The following ATP2B4 variants were observed in gnomAD, a reference collection of about 807,000 sequenced individuals.
ATP2B4 encodes plasma membrane calcium-transporting ATPase 4.
In ATP2B4, 39 loss-of-function variants were observed where a neutral mutation model predicts 110.3. That is an observed-to-expected ratio of 0.35 (90% confidence interval 0.27 to 0.46). The LOEUF is 0.46. ATP2B4 is among the 20% of genes least tolerant of loss of function. The probability of loss-of-function intolerance (pLI) is 1.00; values close to 1 mark genes in which losing one functional copy is unlikely to be tolerated. For missense variants in ATP2B4, 1,135 were observed against 1,530.9 expected, an observed-to-expected ratio of 0.74 and a Z score of 4.32; for synonymous variants, 538 against 571.7, an observed-to-expected ratio of 0.94 and a Z score of 0.84.
rs1407589054 is a variant in ATP2B4 at position 203,743,775 on chromosome 1, C to T, written c.*3921C>T. 6.6e-6 allele frequency: 1 copy of T among 152,382 alleles called. No individual in the cohort carries two copies. The highest frequency in any genetic ancestry group is 1.5e-5 in the Non-Finnish European group (1 of 68,032). 9.4% of individuals were successfully genotyped at this position (152,382 alleles called of 1,614,324 possible). ...CAAACAAATGGTGATATCAAAGCAA[C>T]GTATACCCCAGTCCAGTGTGTGTTG... On this transcript the variant is annotated 3_prime_UTR_variant, in exon 21 of 21. Coordinates refer to ENST00000357681, the MANE Select transcript of ATP2B4 (RefSeq NM_001684.5).
chr1:203,633,616 T>G (rs1027001016), intron 1 of ATP2B4, among the ~76,000 whole-genome samples: 1 of 151,578 alleles, frequency 6.6e-6, no homozygotes, highest in Non-Finnish European at 1.5e-5. Flanking sequence ...ATATAAAAAT[T>G]AGCCGGAAAT....
intron 1 of ATP2B4, among the ~76,000 whole-genome samples, chr1:203,673,610 C>T (rs1664739434): frequency 6.6e-6 from 1 of 152,182 alleles, no homozygotes; most frequent in Non-Finnish European, 1.5e-5. Context: ...GTACTCTGTA[C>T]AGGTGAGACT....
chr1:203,689,143 G>A (rs1665292552), intron 2 of ATP2B4, among the ~76,000 whole-genome samples: 1 of 152,158 alleles, frequency 6.6e-6, no homozygotes. Context: ...CTTCTGTGTG[G>A]TTTCCTGTGG....
chr1:203,640,911 C>T (rs1447460402), intron 1 of ATP2B4, among the ~76,000 whole-genome samples: 3 of 152,134 alleles, frequency 2.0e-5, no homozygotes, highest in Non-Finnish European at 2.9e-5. Context: ...TATTGAATGT[C>T]GACTAAATGC....
Position 203,722,772 on chromosome 1 carries a change from G to A in ATP2B4, c.3024+83G>A. On this transcript the variant is annotated intron_variant, in intron 18 of 20. Coordinates refer to ENST00000357681, the MANE Select transcript of ATP2B4 (RefSeq NM_001684.5). ...GGAGCCAGGGTTCCCTACATACCTA[G>A]GAAAAGGAATGAAGGAATTACGGGG... 5 of 1,316,304 alleles carry A rather than the reference G, an allele frequency of 3.8e-6. No individual in the cohort carries two copies. The Admixed American group carries it at 1.1e-4, about 28-fold the overall frequency. The allele number at this position is 1,316,304 out of a possible 1,614,324, so 81.5% of individuals were successfully genotyped here.
chr1:203,733,481 G>A, intron 20 of ATP2B4: 1 of 1,344,700 alleles, frequency 7.4e-7, no homozygotes. Flanking sequence ...ACCAACCATG[G>A]TTATCTTTTC....
intron 15 of ATP2B4, among the ~76,000 whole-genome samples, chr1:203,720,132 C>A (rs923459581): frequency 6.6e-6 from 1 of 152,122 alleles, no homozygotes; most frequent in Non-Finnish European, 1.5e-5. Context: ...TGGAACTGTG[C>A]TGCCATACTA....
intron 1 of ATP2B4, among the ~76,000 whole-genome samples, chr1:203,627,937 GTTGT>G (rs1447688567): frequency 6.6e-6 from 1 of 152,216 alleles, no homozygotes; most frequent in African/African-American, 2.4e-5. Flanking sequence ...TCGTACCGCT[GTTGT>G]TTGAGTGTGT....
At chr1:203,698,531 T>G (rs1434054783) in intron 3 of ATP2B4, among the ~76,000 whole-genome samples, 177 bp downstream of exon 3, 1 of 152,200 alleles carries the variant, frequency 6.6e-6, no homozygotes, top group Non-Finnish European at 1.5e-5. Context: ...CAACTCATCC[T>G]TATTCCAAGG....
chr1:203,733,409 T>C, intron 20 of ATP2B4: 1 of 1,609,400 alleles, frequency 6.2e-7, no homozygotes, highest in Non-Finnish European at 8.5e-7. Context: ...CAGTGAGTGA[T>C]AGTCTATTAT....
intron 14 of ATP2B4, 71 bp from the exon 15 acceptor site, chr1:203,714,100 G>C: frequency 7.5e-7 from 1 of 1,332,918 alleles, no homozygotes; most frequent in South Asian, 1.2e-5. Flanking sequence ...AGTAGAAGGA[G>C]TGGCGGGTGG....
chr1:203,739,989 A>T lies in ATP2B4; in HGVS notation c.*135A>T. The T allele has an allele frequency of 2.0e-6, 2 of 976,196 alleles. No homozygotes were observed. Among genetic ancestry groups the T allele is most frequent in the Non-Finnish European group, 3.0e-6 (2 of 676,954 alleles). The allele number at this position is 976,196 out of a possible 1,614,324, so 60.5% of individuals were successfully genotyped here. A position where few individuals can be genotyped will look rare whatever the true frequency, so the allele number is the denominator to read the frequency against. On this transcript the variant is annotated 3_prime_UTR_variant, in exon 21 of 21. Transcript: ENST00000357681. ...AGCAGTGTGTGTGAAGTGAACCTCT[A>T]CCTGACCATGAAGAGGCAAGAGCAC...
At chr1:203,699,218 A>G (rs182855905) in intron 3 of ATP2B4, among the ~76,000 whole-genome samples, 1 of 152,284 alleles carries the variant, frequency 6.6e-6, no homozygotes, top group Admixed American at 6.5e-5. Flanking sequence ...TGACTTCCCT[A>G]AATTTGATAG....
chr1:203,683,230 T>C lies in ATP2B4; in HGVS notation c.25T>C (p.Leu9=). The C allele has an allele frequency of 1.2e-6, 2 of 1,614,176 alleles. No homozygotes were observed. The highest frequency in any genetic ancestry group is 8.5e-7 in the Non-Finnish European group (1 of 1,180,026). The change falls in exon 2 of 21, where the codon TTG becomes CTG. Residue 9 remains leucine, a synonymous_variant. Transcript: ENST00000357681. ...AATGACGAACCCATCAGACCGTGTC[T>C]TGCCTGCCAACTCGATGGCCGAGAG... MTNPSDRV[L]PANSMAESRE...
chr1:203,676,795 T>C (rs1049620262), intron 1 of ATP2B4, among the ~76,000 whole-genome samples: 2 of 151,506 alleles, frequency 1.3e-5, no homozygotes, highest in African/African-American at 4.9e-5. Flanking sequence ...AGCCCAGTGC[T>C]TTCTGGCTTG....
chr1:203,657,679 C>T (rs1354986980), intron 1 of ATP2B4: 1 of 773,682 alleles, frequency 1.3e-6, no homozygotes, highest in Non-Finnish European at 2.4e-6. Flanking sequence ...TCTCAGCTTT[C>T]CTTCTTTCTT....
At chr1:203,727,672 T>C in intron 20 of ATP2B4, 101 bp downstream of exon 20, 1 of 1,441,460 alleles carries the variant, frequency 6.9e-7, no homozygotes, top group Non-Finnish European at 9.5e-7. Flanking sequence ...TCTCTTCCCT[T>C]CCAAAGGCTC....
At chr1:203,634,873 A>C (rs756315197) in intron 1 of ATP2B4, among the ~76,000 whole-genome samples, 4 of 152,178 alleles carry the variant, frequency 2.6e-5, no homozygotes, top group Non-Finnish European at 4.4e-5. Flanking sequence ...CGTGTTGTCC[A>C]GATTGGGCTC....
chr1:203,741,567 T>G lies in ATP2B4; in HGVS notation c.*1713T>G, dbSNP rs945299306. 3.3e-5 allele frequency: 5 copies of G among 152,230 alleles called. No homozygotes were observed. The highest frequency in any genetic ancestry group is 7.2e-5 in the African/African-American group (3 of 41,424). The allele number at this position is 152,230 out of a possible 1,614,324, so 9.4% of individuals were successfully genotyped here. ...AGTGATGAGAGTCAAGAAGAGGGGA[T>G]GTATGAACGGCCAAATTCCCATGTG... On this transcript the variant is annotated 3_prime_UTR_variant, in exon 21 of 21. Transcript: ENST00000357681.
Sources: gnomAD v4.1 joint callset for allele counts (sites outside exome capture counted in the v4.1 genomes callset) on GRCh38, gnomAD v4.1.1 for gene constraint, MANE v1.5 for transcripts, NCBI Gene and HGNC (gene_info 2026-07-23, HGNC 2026-07-21) for gene names.